CCDC148: variants seen among roughly 807,000 people sequenced by gnomAD.
CCDC148 encodes the protein coiled-coil domain-containing protein 148.
CCDC148 carries 89 observed loss-of-function variants against 85.7 expected under a neutral mutation model. The ratio of observed to expected loss-of-function variants is 1.04; its 90% confidence interval spans 0.87 to 1.24. CCDC148 has a LOEUF of 1.24. CCDC148 is among the 50% of genes most tolerant of loss of function. The pLI is 0.00. For synonymous variants in CCDC148, 230 were observed against 213.9 expected (o/e 1.08, Z -0.66); for missense variants, 692 against 671.7 (o/e 1.03, Z -0.33).
chr2:158,284,579 G>T (rs1460882779), intron 9 of CCDC148, among the ~76,000 whole-genome samples: 3 of 152,194 alleles, frequency 2.0e-5, no homozygotes, highest in Non-Finnish European at 2.9e-5. Flanking sequence ...GTGAAAAACT[G>T]CAGCAGTCAG....
At chr2:158,225,217 C>A (rs1220629181) in intron 10 of CCDC148, among the ~76,000 whole-genome samples, 1 of 152,122 alleles carries the variant, frequency 6.6e-6, no homozygotes, top group Non-Finnish European at 1.5e-5. Flanking sequence ...AAGGCCATTA[C>A]ATAATAGTAA....
At chr2:158,441,998 C>T (rs1413160119) in intron 1 of CCDC148, among the ~76,000 whole-genome samples, 1 of 152,124 alleles carries the variant, frequency 6.6e-6, no homozygotes, top group Admixed American at 6.6e-5. Flanking sequence ...AAAAAACCTA[C>T]ATACTTCAAT....
intron 9 of CCDC148, among the ~76,000 whole-genome samples, chr2:158,263,443 C>T (rs1689319493): frequency 6.6e-6 from 1 of 151,918 alleles, no homozygotes; most frequent in Non-Finnish European, 1.5e-5. Context: ...TATCCCACTT[C>T]CCAACTAGAT....
chr2:158,451,031 C>T (rs1324842633), intron 1 of CCDC148, among the ~76,000 whole-genome samples: 2 of 152,122 alleles, frequency 1.3e-5, no homozygotes, highest in South Asian at 2.1e-4. Flanking sequence ...TTCTATTAGT[C>T]TGTCTTCAAG....
intron 9 of CCDC148, among the ~76,000 whole-genome samples, chr2:158,278,965 G>T (rs897334492): frequency 2.2e-4 from 33 of 152,156 alleles, no homozygotes; most frequent in African/African-American, 7.5e-4. Flanking sequence ...AGCATTCATG[G>T]CTCACGAAAA....
In CCDC148 at chr2:158,394,683, T is replaced by C. The variant is rs576937733; in HGVS notation, c.26-36113A>G. Among the ~76,000 whole-genome samples the C allele has an allele frequency of 6.6e-5, 10 of 151,884 alleles. No homozygotes were observed. In the South Asian group the frequency reaches 2.1e-3, roughly 32 times the overall value. ...GAAGTAGGGAGAAGGAAAGACCAAC[T>C]AAAACTTGGAGAGTCGGCCCCTCCT... On this transcript the variant is annotated intron_variant, in intron 1 of 13. Coordinates refer to ENST00000283233, the MANE Select transcript of CCDC148 (RefSeq NM_138803.4).
At chr2:158,386,276 G>T (rs1685083128) in intron 1 of CCDC148, among the ~76,000 whole-genome samples, 1 of 152,076 alleles carries the variant, frequency 6.6e-6, no homozygotes, top group Non-Finnish European at 1.5e-5. Context: ...TGCACATTTA[G>T]AAAATGGAGA....
intron 3 of CCDC148, among the ~76,000 whole-genome samples, chr2:158,344,953 T>C (rs755505090): frequency 5.9e-5 from 9 of 152,040 alleles, no homozygotes; most frequent in Admixed American, 2.0e-4. Context: ...AATACAAGTA[T>C]GAGAGTGGGA....
At chr2:158,270,689 T>C (rs578052879) in intron 9 of CCDC148, among the ~76,000 whole-genome samples, 20 of 152,340 alleles carry the variant, frequency 1.3e-4, no homozygotes, top group African/African-American at 4.8e-4. Flanking sequence ...GATAGATTTC[T>C]CAAGTTCCTT....
intron 9 of CCDC148, among the ~76,000 whole-genome samples, chr2:158,262,899 A>G (rs2105154135): frequency 6.6e-6 from 1 of 152,186 alleles, no homozygotes; most frequent in East Asian, 1.9e-4. Flanking sequence ...AAGAAAAAAG[A>G]AAACTCGGAT....
intron 11 of CCDC148, among the ~76,000 whole-genome samples, chr2:158,207,193 A>G (rs1686293724): frequency 6.6e-6 from 1 of 152,198 alleles, no homozygotes; most frequent in Admixed American, 6.5e-5. Flanking sequence ...AAGTAGAGGA[A>G]TGGGCTGAAG....
At chr2:158,438,175 T>C (rs1480133191) in intron 1 of CCDC148, among the ~76,000 whole-genome samples, 1 of 152,154 alleles carries the variant, frequency 6.6e-6, no homozygotes, top group Non-Finnish European at 1.5e-5. Flanking sequence ...AAGACAATCC[T>C]AAGCCAAAAG....
chr2:158,282,122 G>T (rs1290607641), intron 9 of CCDC148, among the ~76,000 whole-genome samples: 5 of 151,234 alleles, frequency 3.3e-5, no homozygotes, highest in Admixed American at 2.0e-4. Context: ...TTGATGGGAC[G>T]TATTTCAAAA....
In CCDC148 at chr2:158,172,238, G is replaced by A. The variant is rs149687148; in HGVS notation, c.1651C>T (p.Arg551Cys). The change falls in exon 14 of 14, where the codon CGC (arginine) becomes TGC (cysteine). Residue 551 changes from arginine (R) to cysteine (C), a missense_variant. Transcript: ENST00000283233. ...EQQIISDPRL[R>C]FELALREAGL... is the part of the protein sequence containing the mutation. ...GCTTCTCGAAGTGCTAACTCGAAGC[G>A]AAGTCTAGGGTCAGAAATTATCTGT... The A allele has an allele frequency of 1.2e-3, 1,911 of 1,605,042 alleles. 17 individuals carry two copies. Among genetic ancestry groups the A allele is most frequent in the Non-Finnish European group, 3.2e-4 (378 of 1,175,628 alleles).
At chr2:158,187,587 A>T (rs1296123498) in intron 11 of CCDC148, among the ~76,000 whole-genome samples, 1 of 151,992 alleles carries the variant, frequency 6.6e-6, no homozygotes, top group Non-Finnish European at 1.5e-5. Context: ...CAAAATTGCA[A>T]ACTCAGAGCC....
Position 158,338,804 on chromosome 2 carries a change from A to G in CCDC148, c.686T>C (p.Leu229Pro), listed in dbSNP as rs1559081222. 1.9e-6 allele frequency: 3 copies of G among 1,611,792 alleles called. No homozygotes were observed. Among genetic ancestry groups the G allele is most frequent in the East Asian group, 4.5e-5 (2 of 44,794 alleles). Residue 229 changes from leucine to proline, a missense_variant, in exon 7 of 14, where the codon CTC (leucine) becomes CCC (proline). Physicochemically the swap from Leu to Pro is moderately conservative, Grantham distance 98. Coordinates refer to ENST00000283233, the MANE Select transcript of CCDC148 (RefSeq NM_138803.4). ...CPYPDLKSSI[L>P]SEFYKFTQKY... is the part of the protein sequence containing the mutation. ...CTGTGTAAACTTATAGAACTCACTG[A>G]GAATTGAAGATTTCAAATCAGGGTA...
At chr2:158,269,150 A>G (rs1047911911) in intron 9 of CCDC148, among the ~76,000 whole-genome samples, 4 of 152,144 alleles carry the variant, frequency 2.6e-5, no homozygotes, top group Non-Finnish European at 5.9e-5. Flanking sequence ...CATTTTTTTC[A>G]TAATGGCTGT....
intron 9 of CCDC148, among the ~76,000 whole-genome samples, chr2:158,300,576 AAG>A (rs891924601): frequency 6.6e-6 from 1 of 152,198 alleles, no homozygotes; most frequent in Admixed American, 6.5e-5. Flanking sequence ...AAAGGAAGGT[AAG>A]AGAGGCATTC....
intron 10 of CCDC148, among the ~76,000 whole-genome samples, chr2:158,233,619 C>A (rs918344427): frequency 5.9e-5 from 9 of 151,928 alleles, no homozygotes; most frequent in African/African-American, 2.2e-4. Flanking sequence ...AATCCAAAAA[C>A]ATCTGGATAG....
Sources: allele counts gnomAD v4.1 joint callset (sites outside exome capture counted in the v4.1 genomes callset), GRCh38; gene constraint gnomAD v4.1.1; transcripts MANE v1.5; gene names NCBI Gene and HGNC (gene_info 2026-07-23, HGNC 2026-07-21).